The following ZNF500 variants were observed in gnomAD, a reference collection of about 807,000 sequenced individuals.
The protein encoded by ZNF500 is zinc finger protein with KRAB and SCAN domains 18.
In ZNF500, 31 loss-of-function variants were observed where a neutral mutation model predicts 30.1. That is an observed-to-expected ratio of 1.03 (90% confidence interval 0.77 to 1.39). The LOEUF is 1.39. ZNF500 is among the 40% of genes most tolerant of loss of function. The pLI is 0.00. For synonymous variants in ZNF500, 392 were observed against 282.0 expected, an observed-to-expected ratio of 1.39 and a Z score of -3.91; for missense variants, 817 against 657.8, an observed-to-expected ratio of 1.24 and a Z score of -2.65.
downstream of ZNF500, chr16:4,747,527 C>T (rs753925662): frequency 1.2e-6 from 2 of 1,613,118 alleles, no homozygotes; most frequent in Non-Finnish European, 1.7e-6. Context: ...GCAGAGCGCC[C>T]AGGCTCGACT....
Position 4,752,118 on chromosome 16 carries a change from T to A in ZNF500, c.*258A>T, listed in dbSNP as rs981929929. On this transcript the variant is annotated 3_prime_UTR_variant, in exon 6 of 6. Transcript: ENST00000219478. ...CGGCTTCTGGCCTCCTGAGTGTGTCTCTGTGGCTGAAGCCCCTGCTCTGTG... is the reference window on the plus strand; with the variant it reads ...CGGCTTCTGGCCTCCTGAGTGTGTCACTGTGGCTGAAGCCCCTGCTCTGTG... 5 of 1,344,262 alleles carry A rather than the reference T, an allele frequency of 3.7e-6. No individual in the cohort carries two copies. In the Admixed American group the frequency reaches 1.8e-4, roughly 47 times the overall value. The allele number at this position is 1,344,262 out of a possible 1,614,324, so 83.3% of individuals were successfully genotyped here. A position where few individuals can be genotyped will look rare whatever the true frequency, so the allele number is the denominator to read the frequency against.
At position 4,752,353 on chromosome 16, in the gene ZNF500, A is replaced by G; in HGVS notation, c.*23T>C. On this transcript the variant is annotated 3_prime_UTR_variant, in exon 6 of 6. Transcript: ENST00000219478. ...CTGTGCCCAGGGATGAGAGTCCTGG[A>G]AAGGGAGTTTCAGGCCTGGTGATCA... 1 of 1,463,350 alleles carries G rather than the reference A, an allele frequency of 6.8e-7. No homozygotes were observed. The allele number at this position is 1,463,350 out of a possible 1,614,324, so 90.6% of individuals were successfully genotyped here.
chr16:4,747,308 C>A (rs376752805), downstream of ZNF500: 2 of 1,525,670 alleles, frequency 1.3e-6, no homozygotes, highest in Non-Finnish European at 1.8e-6. Flanking sequence ...GCGGCCCCCA[C>A]GGGGTTGAGT....
At chr16:4,745,013 T>A (rs1050218123), downstream of ZNF500, 9 of 1,612,642 alleles carry the variant, frequency 5.6e-6, no homozygotes, top group Admixed American at 1.5e-4. Context: ...AGGAAGCAGG[T>A]GGGACTTGTA....
downstream of ZNF500, among the ~76,000 whole-genome samples, chr16:4,744,715 C>T (rs557607122): frequency 4.6e-5 from 7 of 152,298 alleles, no homozygotes; most frequent in South Asian, 1.4e-3. Context: ...GTGGAGTCCT[C>T]AGAGGGCTGA....
Position 4,751,780 on chromosome 16 carries a change from C to A in ZNF500, c.*596G>T. On this transcript the variant is annotated 3_prime_UTR_variant, in exon 6 of 6. Transcript: ENST00000219478. ...AAAAGAGACTGGGCATGGCGGCACA[C>A]ACCTGTAACCCCAGCTACTCAGGAG... 2 of 772,584 alleles carry A rather than the reference C, an allele frequency of 2.6e-6. No homozygotes were observed. The highest frequency in any genetic ancestry group is 5.4e-5 in the East Asian group (2 of 37,012). The allele number at this position is 772,584 out of a possible 1,614,324, so 47.9% of individuals were successfully genotyped here. A position where few individuals can be genotyped will look rare whatever the true frequency, so the allele number is the denominator to read the frequency against.
intron 2 of ZNF500, 78 bp downstream of exon 2, chr16:4,765,487 G>T (rs1349515836): frequency 1.3e-6 from 2 of 1,514,434 alleles, no homozygotes; most frequent in South Asian, 1.3e-5. Flanking sequence ...GTCACCCAAT[G>T]ACCAAGGAAT....
Position 4,751,168 on chromosome 16 carries a change from G to C in ZNF500, c.*1208C>G, listed in dbSNP as rs949232443. 1.2e-5 allele frequency: 2 copies of C among 161,220 alleles called. No individual in the cohort carries two copies. Among genetic ancestry groups the C allele is most frequent in the African/African-American group, 2.4e-5 (1 of 41,574 alleles). 10.0% of individuals were successfully genotyped at this position (161,220 alleles called of 1,614,324 possible). A position where few individuals can be genotyped will look rare whatever the true frequency, so the allele number is the denominator to read the frequency against. On this transcript the variant is annotated 3_prime_UTR_variant, in exon 6 of 6. Transcript: ENST00000219478. ...TTTCCATAGCTGCCCTACGACTTCC[G>C]AGATGACTAAACCCACCAAGGACTC...
Position 4,748,982 on chromosome 16 carries a change from T to TG in ZNF500, c.*3393dup, listed in dbSNP as rs2071652399. On this transcript the variant is annotated 3_prime_UTR_variant, in exon 6 of 6. Transcript: ENST00000219478. ...CGCCAAGATCAGGGCTACAGATGTC[T>TG]GCTCTCTGGACCCCACGTGATCTGG... The TG allele has an allele frequency of 6.6e-6, 1 of 152,306 alleles. No homozygotes were observed. The highest frequency in any genetic ancestry group is 2.1e-4 in the South Asian group (1 of 4,838). 9.4% of individuals were successfully genotyped at this position (152,306 alleles called of 1,614,324 possible). A position where few individuals can be genotyped will look rare whatever the true frequency, so the allele number is the denominator to read the frequency against.
In ZNF500 at chr16:4,751,578, G is replaced by A. The variant is rs2082078103; in HGVS notation, c.*798C>T. ...GAAGAAGCTGGAGACCACGTCCTGG[G>A]AAGGCTGGGGTACAGCAGGGCTCCC... On this transcript the variant is annotated 3_prime_UTR_variant, in exon 6 of 6. Coordinates refer to ENST00000219478, the MANE Select transcript of ZNF500 (RefSeq NM_021646.4). 1.3e-6 allele frequency: 2 copies of A among 1,533,934 alleles called. No homozygotes were observed. Among genetic ancestry groups the A allele is most frequent in the African/African-American group, 1.4e-5 (1 of 73,076 alleles).
In ZNF500 at chr16:4,748,846, TC is replaced by T. The variant is rs397855257; in HGVS notation, c.*3529del. The T allele has an allele frequency of 1.5e-4, 23 of 152,426 alleles. No individual in the cohort carries two copies. Among genetic ancestry groups the T allele is most frequent in the African/African-American group, 5.5e-4 (23 of 41,578 alleles). 9.4% of individuals were successfully genotyped at this position (152,426 alleles called of 1,614,324 possible). A position where few individuals can be genotyped will look rare whatever the true frequency, so the allele number is the denominator to read the frequency against. ...GGGCCTTTGGGACAGTGTCCCAGCT[TC>T]CCCTGGGGTTCACCCCTGGCTGCCA... On this transcript the variant is annotated 3_prime_UTR_variant, in exon 6 of 6. Coordinates refer to ENST00000219478, the MANE Select transcript of ZNF500 (RefSeq NM_021646.4).
At chr16:4,753,160 C>G in intron 5 of ZNF500, 102 bp from the exon 6 acceptor site, 1 of 1,450,450 alleles carries the variant, frequency 6.9e-7, no homozygotes, top group Non-Finnish European at 9.0e-7. Flanking sequence ...TAAGGTTCCC[C>G]TACAAAACAT....
intron 4 of ZNF500, 33 bp downstream of exon 4, chr16:4,762,238 C>G (rs1272102520): frequency 1.2e-6 from 2 of 1,605,182 alleles, no homozygotes; most frequent in Non-Finnish European, 1.7e-6. Context: ...GGCCAGACCC[C>G]AGGATGCTGC....
downstream of ZNF500, among the ~76,000 whole-genome samples, chr16:4,744,702 G>C (rs2081990955): frequency 6.6e-6 from 1 of 152,200 alleles, no homozygotes; most frequent in Admixed American, 6.5e-5. Context: ...TGCTGAGCTA[G>C]AGGTGGAGTC....
chr16:4,754,838 G>A (rs2082120161), intron 5 of ZNF500, among the ~76,000 whole-genome samples: 1 of 152,120 alleles, frequency 6.6e-6, no homozygotes, highest in South Asian at 2.1e-4. Context: ...CAATGTGGAG[G>A]TGGGGCCTGG....
intron 1 of ZNF500, 153 bp from the exon 2 acceptor site, chr16:4,766,229 C>T (rs1008790299): frequency 2.4e-6 from 1 of 410,600 alleles, no homozygotes; most frequent in African/African-American, 2.0e-5. Context: ...TATTAACCCC[C>T]TGTTAATTCC....
At chr16:4,755,755 T>A (rs976797308) in intron 5 of ZNF500, among the ~76,000 whole-genome samples, 1 of 152,136 alleles carries the variant, frequency 6.6e-6, no homozygotes, top group South Asian at 2.1e-4. Flanking sequence ...AATGTGTACA[T>A]AAATGTTCAC....
In ZNF500 at chr16:4,752,607, G is replaced by A. The variant is rs200240791; in HGVS notation, c.1212C>T (p.Ser404=). 6.1e-5 allele frequency: 97 copies of A among 1,601,608 alleles called. No individual in the cohort carries two copies. The highest frequency in any genetic ancestry group is 7.5e-5 in the Non-Finnish European group (88 of 1,174,426). ...SSLVIHRRTH[S]GERPYACTQC... ...GGGTGCAGGCATAGGGCCGCTCCCC[G>A]CTGTGTGTCCTGCGGTGGATGACCA... is the stretch of plus-strand genomic sequence containing the variant. The change falls in exon 6 of 6, where the codon AGC becomes AGT. Residue 404 remains serine (S), a synonymous_variant. Coordinates refer to ENST00000219478, the MANE Select transcript of ZNF500 (RefSeq NM_021646.4).
downstream of ZNF500, chr16:4,746,779 C>G (rs141618131): frequency 3.7e-6 from 3 of 809,772 alleles, no homozygotes; most frequent in East Asian, 8.5e-5. Flanking sequence ...CCTGTCCTCA[C>G]CTCCTGGCAG....
Sources: allele counts gnomAD v4.1 joint callset (sites outside exome capture counted in the v4.1 genomes callset), GRCh38; gene constraint gnomAD v4.1.1; transcripts MANE v1.5; gene names NCBI Gene and HGNC (gene_info 2026-07-23, HGNC 2026-07-21).